Variants in PRR16 observed in about 807,000 individuals in gnomAD.
The protein encoded by PRR16 is proline rich 16, also known as protein Largen.
Under a neutral mutation model 18.2 loss-of-function variants are expected in PRR16, and 6 were observed. The observed-to-expected ratio is 0.33, with a 90% CI of 0.18 to 0.65. The LOEUF is 0.65. Ranked by LOEUF, PRR16 falls within the 30% of genes least tolerant of loss-of-function variation. PRR16 has a pLI of 0.74. For synonymous variants in PRR16, 151 were observed against 147.8 expected (o/e 1.02, Z -0.16); for missense variants, 412 against 376.6 (o/e 1.09, Z -0.78).
At chr5:120,561,636 C>G (rs1752578141) in intron 1 of PRR16, among the ~76,000 whole-genome samples, 3 of 152,066 alleles carry the variant, frequency 2.0e-5, no homozygotes, top group Admixed American at 6.6e-5. Context: ...TATGGTTTGG[C>G]TCTGTGTCCC....
chr5:120,578,566 A>G (rs1181267801), intron 1 of PRR16, among the ~76,000 whole-genome samples: 2 of 152,208 alleles, frequency 1.3e-5, no homozygotes, highest in Non-Finnish European at 2.9e-5. Context: ...GTCCCTGCAA[A>G]GGACATAATC....
chr5:120,537,897 C>G (rs1341452412), intron 1 of PRR16, among the ~76,000 whole-genome samples: 1 of 149,924 alleles, frequency 6.7e-6, no homozygotes, highest in Non-Finnish European at 1.5e-5. Context: ...CTGCCTCAGC[C>G]TCCCAAGTAG....
intron 1 of PRR16, among the ~76,000 whole-genome samples, chr5:120,561,454 C>A (rs975838887): frequency 2.6e-5 from 4 of 151,960 alleles, no homozygotes; most frequent in Non-Finnish European, 4.4e-5. Flanking sequence ...GATTTCCAGT[C>A]TCATTTCATT....
At chr5:120,579,790 G>C (rs1253363126) in intron 1 of PRR16, among the ~76,000 whole-genome samples, 1 of 152,142 alleles carries the variant, frequency 6.6e-6, no homozygotes, top group Non-Finnish European at 1.5e-5. Flanking sequence ...GTCAATGGTA[G>C]TTTGATGGGA....
chr5:120,707,219 A>T, the PRR16 span, among the ~76,000 whole-genome samples: 1 of 152,184 alleles, frequency 6.6e-6, no homozygotes, highest in Non-Finnish European at 1.5e-5. Context: ...AAAGTTACTT[A>T]CTAAGAGCCT....
intron 1 of PRR16, among the ~76,000 whole-genome samples, chr5:120,634,472 C>T (rs896464463): frequency 6.6e-6 from 1 of 152,020 alleles, no homozygotes; most frequent in South Asian, 2.1e-4. Flanking sequence ...GGTGAAACGC[C>T]ATCTCTACTA....
At chr5:120,754,426 A>AATATATACTATATACTATATATTAT in the PRR16 span, among the ~76,000 whole-genome samples, 1 of 89,186 alleles carries the variant, frequency 1.1e-5, no homozygotes, top group Non-Finnish European at 2.0e-5. Context: ...TATATTATAT[A>AATATATACTATATACTATATATTAT]ATATATAGTA....
chr5:120,666,928 G>A (rs1333113718), intron 1 of PRR16, among the ~76,000 whole-genome samples: 1 of 144,198 alleles, frequency 6.9e-6, no homozygotes. Flanking sequence ...CTCTTTTTTG[G>A]TTGTGTCTCT....
At chr5:120,519,070 C>T (rs541415801) in intron 1 of PRR16, among the ~76,000 whole-genome samples, 17 of 152,042 alleles carry the variant, frequency 1.1e-4, no homozygotes, top group Non-Finnish European at 2.5e-4. Flanking sequence ...TCTTCCCATT[C>T]CTAATTGAAT....
At chr5:120,521,351 G>C (rs1474087668) in intron 1 of PRR16, among the ~76,000 whole-genome samples, 1 of 151,966 alleles carries the variant, frequency 6.6e-6, no homozygotes, top group Non-Finnish European at 1.5e-5. Context: ...TAATCCTATA[G>C]ATTTTTTGAT....
At chr5:120,524,528 AG>A (rs1334062682) in intron 1 of PRR16, among the ~76,000 whole-genome samples, 1 of 152,118 alleles carries the variant, frequency 6.6e-6, no homozygotes, top group East Asian at 1.9e-4. Context: ...TAGGCTGGGA[AG>A]GGTAGTGTGG....
At chr5:120,696,688 C>T in the PRR16 span, among the ~76,000 whole-genome samples, 1 of 151,992 alleles carries the variant, frequency 6.6e-6, no homozygotes, top group Non-Finnish European at 1.5e-5. Flanking sequence ...AATCTTGGTT[C>T]TGAAGAGGTA....
chr5:120,687,421 A>G (rs1049360228), downstream of PRR16: 1 of 152,216 alleles, frequency 6.6e-6, no homozygotes, highest in Admixed American at 6.5e-5. Context: ...GTGAGTGTAT[A>G]TCAGAATTTT....
At chr5:120,658,508 T>C (rs1756063391) in intron 1 of PRR16, 1 of 151,918 alleles carries the variant, frequency 6.6e-6, no homozygotes, top group Non-Finnish European at 1.5e-5. Context: ...AATAATATAA[T>C]TAAATAAATT....
chr5:120,745,277 C>T, the PRR16 span, among the ~76,000 whole-genome samples: 2 of 152,094 alleles, frequency 1.3e-5, no homozygotes, highest in African/African-American at 4.8e-5. Context: ...TGGGATCTTG[C>T]TTCTGAGTGT....
chr5:120,719,184 A>T, the PRR16 span, among the ~76,000 whole-genome samples: 1 of 152,194 alleles, frequency 6.6e-6, no homozygotes, highest in South Asian at 2.1e-4. Context: ...ATATATTTAC[A>T]AGTAAGATGA....
At chr5:120,473,046 A>G (rs1283414407) in intron 1 of PRR16, among the ~76,000 whole-genome samples, 1 of 152,136 alleles carries the variant, frequency 6.6e-6, no homozygotes, top group African/African-American at 2.4e-5. Flanking sequence ...TGAATTCTTG[A>G]TATGTGTAAG....
chr5:120,540,978 G>C (rs1171529654), intron 1 of PRR16, among the ~76,000 whole-genome samples: 2 of 152,090 alleles, frequency 1.3e-5, no homozygotes, highest in Non-Finnish European at 2.9e-5. Flanking sequence ...ATGAGCATGG[G>C]GATATGCAAC....
chr5:120,495,403 T>A (rs1392010443), intron 1 of PRR16, among the ~76,000 whole-genome samples: 2 of 152,254 alleles, frequency 1.3e-5, no homozygotes, highest in East Asian at 3.9e-4. Context: ...TGAAGTTTCA[T>A]ATATAAAATG....
Sources: allele counts gnomAD v4.1 joint callset (sites outside exome capture counted in the v4.1 genomes callset), GRCh38; gene constraint gnomAD v4.1.1; transcripts MANE v1.5; gene names NCBI Gene and HGNC (gene_info 2026-07-23, HGNC 2026-07-21).